Variants in CPXM2 observed in about 807,000 individuals in gnomAD.
CPXM2 encodes the protein carboxypeptidase X, M14 family member 2.
A neutral mutation model predicts 86.1 loss-of-function variants in CPXM2; 66 were observed. That is an observed-to-expected ratio of 0.77 (90% confidence interval 0.63 to 0.94). The LOEUF (loss-of-function observed/expected upper bound fraction) is 0.94. CPXM2 is among the 40% of genes least tolerant of loss of function. The probability of loss-of-function intolerance (pLI) is 0.00; values close to 1 mark genes in which losing one functional copy is unlikely to be tolerated. For missense variants in CPXM2, 948 were observed against 1,026.3 expected (o/e 0.92, Z 1.04); for synonymous variants, 388 against 400.2 (o/e 0.97, Z 0.36).
At chr10:123,854,395 T>TTATATATATATTA (rs1848671734) in intron 3 of CPXM2, among the ~76,000 whole-genome samples, 1 of 116,764 alleles carries the variant, frequency 8.6e-6, no homozygotes. Context: ...AATATATATA[T>TTATATATATATTA]TATATATATA....
At chr10:123,909,887 A>G (rs1210188410) in intron 2 of CPXM2, among the ~76,000 whole-genome samples, 1 of 152,172 alleles carries the variant, frequency 6.6e-6, no homozygotes, top group African/African-American at 2.4e-5. Flanking sequence ...CCTCAACACA[A>G]TCTCATGCCA....
intron 2 of CPXM2, among the ~76,000 whole-genome samples, chr10:123,897,418 T>A (rs1161596864): frequency 6.6e-6 from 1 of 152,140 alleles, no homozygotes; most frequent in African/African-American, 2.4e-5. Context: ...GTCATGTAAT[T>A]AACAAATGAT....
At chr10:123,933,922 C>G (rs1483372465) in intron 2 of CPXM2, among the ~76,000 whole-genome samples, 1 of 152,000 alleles carries the variant, frequency 6.6e-6, no homozygotes, top group Non-Finnish European at 1.5e-5. Context: ...CTCTCCTTAC[C>G]CAACTCCCCT....
chr10:123,798,185 A>C, intron 5 of CPXM2, 59 bp from the exon 6 acceptor site: 1 of 1,473,458 alleles, frequency 6.8e-7, no homozygotes, highest in South Asian at 1.5e-5. Context: ...CAAGGGATAA[A>C]AAGTCAGAAT....
intron 4 of CPXM2, among the ~76,000 whole-genome samples, chr10:123,801,886 C>T (rs529647162): frequency 1.3e-5 from 2 of 152,294 alleles, no homozygotes; most frequent in African/African-American, 4.8e-5. Flanking sequence ...AGACCTCATA[C>T]CAAGTAAAAA....
At chr10:123,762,434 T>C (rs891196098) in intron 10 of CPXM2, among the ~76,000 whole-genome samples, 2 of 152,312 alleles carry the variant, frequency 1.3e-5, no homozygotes, top group South Asian at 4.1e-4. Flanking sequence ...ACTGACCAGA[T>C]ACTTGACAAT....
chr10:123,762,218 T>A, intron 10 of CPXM2, 49 bp from the exon 11 acceptor site: 1 of 1,612,544 alleles, frequency 6.2e-7, no homozygotes, highest in South Asian at 1.1e-5. Flanking sequence ...AGTCATTTTA[T>A]CTCCCCAGCT....
At chr10:123,749,536 G>A (rs1262099475) in intron 13 of CPXM2, among the ~76,000 whole-genome samples, 4 of 152,128 alleles carry the variant, frequency 2.6e-5, no homozygotes, top group Non-Finnish European at 5.9e-5. Flanking sequence ...TTATCGCAGG[G>A]CCACATGGCG....
At chr10:123,848,805 C>T (rs1481925856) in intron 3 of CPXM2, among the ~76,000 whole-genome samples, 1 of 152,184 alleles carries the variant, frequency 6.6e-6, no homozygotes, top group Non-Finnish European at 1.5e-5. Flanking sequence ...AGTGCAAGTC[C>T]TCATTCTACA....
At chr10:123,839,917 C>A (rs1480190828) in intron 4 of CPXM2, among the ~76,000 whole-genome samples, 1 of 152,162 alleles carries the variant, frequency 6.6e-6, no homozygotes, top group Non-Finnish European at 1.5e-5. Flanking sequence ...TAAAGTAATT[C>A]TATCCCTTGC....
chr10:123,872,265 A>T (rs1390853513), intron 2 of CPXM2, among the ~76,000 whole-genome samples: 1 of 152,208 alleles, frequency 6.6e-6, no homozygotes, highest in Non-Finnish European at 1.5e-5. Context: ...ATAGCAAAAA[A>T]CTGAAAACAA....
In CPXM2 at chr10:123,754,223, C is replaced by T. The variant is rs1265344575; in HGVS notation, c.2017+440G>A. On this transcript the variant is annotated intron_variant, in intron 13 of 13. Coordinates refer to ENST00000241305, the MANE Select transcript of CPXM2 (RefSeq NM_198148.3). The surrounding 1 kb of genome is among the most constrained non-coding windows in gnomAD (Gnocchi z 4.0). The stretch of plus-strand genomic sequence containing the variant: ...TCCTCTTGCTGCTGGTCCCTTCAAA[C>T]TCTCCACTCCTCCACAAGTCACCCA... Among the ~76,000 whole-genome samples, 3 of 152,190 alleles carry T rather than the reference C, an allele frequency of 2.0e-5. No individual in the cohort carries two copies. Among genetic ancestry groups the T allele is most frequent in the South Asian group, 2.1e-4 (1 of 4,834 alleles).
intron 6 of CPXM2, 141 bp from the exon 7 acceptor site, chr10:123,780,396 C>T: frequency 1.6e-6 from 1 of 613,850 alleles, no homozygotes; most frequent in East Asian, 2.8e-5. Flanking sequence ...AGAAAACCAA[C>T]CTGCAGGAAG....
At chr10:123,763,804 T>C (rs921715491) in intron 10 of CPXM2, among the ~76,000 whole-genome samples, 1 of 152,204 alleles carries the variant, frequency 6.6e-6, no homozygotes, top group Non-Finnish European at 1.5e-5. Flanking sequence ...TACTGTCTTC[T>C]GGTACATATG....
intron 3 of CPXM2, among the ~76,000 whole-genome samples, chr10:123,844,488 T>C (rs1298026237): frequency 3.3e-5 from 5 of 152,140 alleles, no homozygotes; most frequent in African/African-American, 4.8e-5. Flanking sequence ...ACAGACTCAA[T>C]TTTGCTTAAG....
intron 13 of CPXM2, chr10:123,751,659 G>A: frequency 1.0e-6 from 1 of 985,330 alleles, no homozygotes; most frequent in African/African-American, 1.7e-5. Context: ...TTCCCTCCCT[G>A]TGGAATTCCA....
intron 2 of CPXM2, among the ~76,000 whole-genome samples, chr10:123,915,830 C>T (rs1482472782): frequency 6.6e-6 from 1 of 152,154 alleles, no homozygotes; most frequent in Non-Finnish European, 1.5e-5. Flanking sequence ...ACTTTCCAGT[C>T]CCTGGTCCTG....
chr10:123,800,584 G>A (rs575497038), intron 4 of CPXM2, among the ~76,000 whole-genome samples: 1 of 152,234 alleles, frequency 6.6e-6, no homozygotes, highest in East Asian at 1.9e-4. Context: ...AGGCCCGAGG[G>A]TGATACAGCA....
At chr10:123,783,701 C>T (rs903861427) in intron 6 of CPXM2, among the ~76,000 whole-genome samples, 2 of 152,188 alleles carry the variant, frequency 1.3e-5, no homozygotes, top group African/African-American at 4.8e-5. Flanking sequence ...GGAATTTTCG[C>T]TTATGTGAGC....
Sources: gnomAD v4.1 joint callset for allele counts (sites outside exome capture counted in the v4.1 genomes callset) on GRCh38, gnomAD v4.1.1 for gene constraint, Gnocchi (gnomAD v3.1) non-coding constraint, MANE v1.5 for transcripts, NCBI Gene and HGNC (gene_info 2026-07-23, HGNC 2026-07-21) for gene names.